The following CYTH3 variants were observed in gnomAD, a reference collection of about 807,000 sequenced individuals.
CYTH3 encodes cytohesin 3, also known as cytohesin-3.
Under a neutral mutation model 55.1 loss-of-function variants are expected in CYTH3, and 23 were observed. The ratio of observed to expected loss-of-function variants is 0.42; its 90% CI spans 0.30 to 0.59. The LOEUF (loss-of-function observed/expected upper bound fraction) is 0.59. CYTH3 is among the 20% of genes least tolerant of loss of function. The pLI is 0.20. For missense variants in CYTH3, 413 were observed against 524.8 expected, an observed-to-expected ratio of 0.79 and a Z score of 2.08; for synonymous variants, 249 against 194.9, an observed-to-expected ratio of 1.28 and a Z score of -2.31.
Position 6,170,975 on chromosome 7 carries a change from G to C in CYTH3, c.566C>G (p.Thr189Arg). ...GATGGCGAATGACAGCACGTAGCAC[G>C]TGTCTGCAACGAGTCCGGGGTGCTG... is the stretch of plus-strand genomic sequence containing the variant. ...CNPGVFQSTDTCYVLSFAIIM... is the reference protein window; with the variant it reads ...CNPGVFQSTDRCYVLSFAIIM... Residue 189 changes from threonine to arginine, a missense_variant, in exon 8 of 13, where the codon ACG becomes AGG. Thr to Arg is a moderately conservative substitution (Grantham distance 71). This residue lies in a region of CYTH3 where 156 missense variants were observed against 233.1 expected (regional missense o/e 0.67). Transcript: ENST00000350796. This position sits in a 1 kb window ranked among gnomAD's most constrained non-coding sequence, Gnocchi z 7.8. 1 of 1,613,804 alleles carries C rather than the reference G, an allele frequency of 6.2e-7. No homozygotes were observed. The highest frequency in any genetic ancestry group is 8.5e-7 in the Non-Finnish European group (1 of 1,179,918).
At chr7:6,242,080 C>G (rs1025886231) in intron 1 of CYTH3, among the ~76,000 whole-genome samples, 11 of 151,878 alleles carry the variant, frequency 7.2e-5, no homozygotes, top group South Asian at 4.2e-4. Flanking sequence ...GGGGTTTTTT[C>G]TTTGTTTGTT....
Position 6,171,215 on chromosome 7 carries a change from G to A in CYTH3, c.549C>T (p.Val183=). ...ASRYCLCNPG[V]FQSTDTCYVL... is the part of the protein sequence containing the mutation. ...CTCTGCACTGACCTGTGGACTGGAAGACCCCGGGGTTGCACAGGCAGTAGC... is the reference window on the plus strand; with the variant it reads ...CTCTGCACTGACCTGTGGACTGGAAAACCCCGGGGTTGCACAGGCAGTAGC... Residue 183 remains valine, a synonymous_variant, in exon 7 of 13, where the codon GTC becomes GTT. Coordinates refer to ENST00000350796, the MANE Select transcript of CYTH3 (RefSeq NM_004227.4). This position sits in a 1 kb window ranked among gnomAD's most constrained non-coding sequence, Gnocchi z 6.7. The A allele has an allele frequency of 6.2e-7, 1 of 1,614,164 alleles. No homozygotes were observed. The highest frequency in any genetic ancestry group is 8.5e-7 in the Non-Finnish European group (1 of 1,180,004).
At chr7:6,172,910 TTGAGG>T in intron 6 of CYTH3, 1 of 1,217,682 alleles carries the variant, frequency 8.2e-7, no homozygotes, top group Non-Finnish European at 1.1e-6. Flanking sequence ...CAGTCTGCAG[TTGAGG>T]TAAGGCCATG....
chr7:6,258,819 A>C (rs1230857088), intron 1 of CYTH3, among the ~76,000 whole-genome samples: 1 of 152,238 alleles, frequency 6.6e-6, no homozygotes, highest in Non-Finnish European at 1.5e-5. Context: ...AGCCACCCTA[A>C]TTCTTGAATC....
chr7:6,225,955 G>T (rs953598349), intron 1 of CYTH3, among the ~76,000 whole-genome samples: 2 of 152,026 alleles, frequency 1.3e-5, no homozygotes, highest in Non-Finnish European at 2.9e-5. Flanking sequence ...CAAAGTGCTG[G>T]GATTACAGGT....
rs1782933118 is a variant in CYTH3 at position 6,164,655 on chromosome 7, T to C, written c.*289A>G. On this transcript the variant is annotated 3_prime_UTR_variant, in exon 13 of 13. Transcript: ENST00000350796. ...GGGATGGTCGCAGGAAGGAAATGCT[T>C]CTGGACATGCGCAGCCGACCATGAC... 1.9e-5 allele frequency: 9 copies of C among 470,806 alleles called. No homozygotes were observed. In the East Asian group the frequency reaches 3.5e-4, roughly 19 times the overall value. The allele number at this position is 470,806 out of a possible 1,614,324, so 29.2% of individuals were successfully genotyped here. A position where few individuals can be genotyped will look rare whatever the true frequency, so the allele number is the denominator to read the frequency against.
chr7:6,174,783 G>A (rs569175368), intron 5 of CYTH3, among the ~76,000 whole-genome samples: 86 of 151,952 alleles, frequency 5.7e-4, no homozygotes, highest in African/African-American at 2.0e-3. Context: ...TCCTAACCTC[G>A]TGATCCACCC....
intron 4 of CYTH3, among the ~76,000 whole-genome samples, chr7:6,183,259 G>A (rs908260083): frequency 2.4e-4 from 37 of 152,330 alleles, no homozygotes; most frequent in African/African-American, 8.9e-4. Context: ...TGCTCTTGCC[G>A]CCCCCGGCAG....
chr7:6,197,449 G>A (rs1378341567), intron 1 of CYTH3, among the ~76,000 whole-genome samples: 1 of 152,220 alleles, frequency 6.6e-6, no homozygotes, highest in African/African-American at 2.4e-5. Context: ...TTGGAAGGCC[G>A]AAGTGGGCGG....
chr7:6,244,345 G>A (rs1226175258), intron 1 of CYTH3, among the ~76,000 whole-genome samples: 3 of 152,218 alleles, frequency 2.0e-5, no homozygotes, highest in Non-Finnish European at 2.9e-5. Context: ...GCTTTTGCAT[G>A]TGCATTAATT....
At position 6,164,735 on chromosome 7, in the gene CYTH3, G is replaced by A. The variant is rs1242027508; in HGVS notation, c.*209C>T. The A allele has an allele frequency of 1.5e-5, 10 of 654,076 alleles. No individual in the cohort carries two copies. Among genetic ancestry groups the A allele is most frequent in the Middle Eastern group, 4.3e-4 (1 of 2,310 alleles). 40.5% of individuals were successfully genotyped at this position (654,076 alleles called of 1,614,324 possible). A position where few individuals can be genotyped will look rare whatever the true frequency, so the allele number is the denominator to read the frequency against. ...AGTCTGGGCCACGGTACGCTCTGGA[G>A]CAGCAGCTTGCACTGCAGGGCGACC... On this transcript the variant is annotated 3_prime_UTR_variant, in exon 13 of 13. Coordinates refer to ENST00000350796, the MANE Select transcript of CYTH3 (RefSeq NM_004227.4).
At chr7:6,244,626 A>AC (rs928273006) in intron 1 of CYTH3, among the ~76,000 whole-genome samples, 3 of 149,952 alleles carry the variant, frequency 2.0e-5, no homozygotes, top group Non-Finnish European at 3.0e-5. Flanking sequence ...CATCACACCC[A>AC]GCTTTTAATT....
chr7:6,256,420 A>G (rs1459972408), intron 1 of CYTH3, among the ~76,000 whole-genome samples: 2 of 152,356 alleles, frequency 1.3e-5, no homozygotes, highest in East Asian at 3.9e-4. Flanking sequence ...TCCCCTTTAC[A>G]GGTATAACAG....
intron 1 of CYTH3, among the ~76,000 whole-genome samples, chr7:6,266,035 T>C (rs1780483297): frequency 6.6e-6 from 1 of 152,164 alleles, no homozygotes; most frequent in Non-Finnish European, 1.5e-5. Flanking sequence ...CTTTGTACTT[T>C]TCTGTATGTT....
Position 6,232,703 on chromosome 7 carries a change from G to A in CYTH3, c.34+39771C>T, listed in dbSNP as rs1482165546. Among the ~76,000 whole-genome samples, 9 of 151,852 alleles carry A rather than the reference G, an allele frequency of 5.9e-5. No individual in the cohort carries two copies. In the East Asian group the frequency reaches 1.5e-3, roughly 26 times the overall value. On this transcript the variant is annotated intron_variant, in intron 1 of 12. Transcript: ENST00000350796. ...AACCTCAGCCAGACTGTGTGGTCTC[G>A]GCTGCGGCTGTGGTTCTGACTGTCC...
chr7:6,197,190 G>C (rs1469759349), intron 1 of CYTH3, among the ~76,000 whole-genome samples: 1 of 151,978 alleles, frequency 6.6e-6, no homozygotes, highest in Non-Finnish European at 1.5e-5. Flanking sequence ...CCCCCTTAAG[G>C]CCCTAAGGAG....
At chr7:6,219,424 C>A (rs747327139) in intron 1 of CYTH3, among the ~76,000 whole-genome samples, 12 of 152,086 alleles carry the variant, frequency 7.9e-5, no homozygotes, top group Non-Finnish European at 1.2e-4. Flanking sequence ...GCATGGATTG[C>A]AAAAGACAAT....
chr7:6,213,332 C>T (rs1226175283), intron 1 of CYTH3, among the ~76,000 whole-genome samples: 1 of 152,206 alleles, frequency 6.6e-6, no homozygotes, highest in Non-Finnish European at 1.5e-5. Context: ...TATATCCCAG[C>T]ACTATCCGTT....
rs1193179428 is a variant in CYTH3 at position 6,171,670 on chromosome 7, G to A, written c.450-356C>T. The A allele has an allele frequency of 7.5e-6, 2 of 265,480 alleles. No individual in the cohort carries two copies. Among genetic ancestry groups the A allele is most frequent in the African/African-American group, 2.2e-5 (1 of 46,142 alleles). 16.4% of individuals were successfully genotyped at this position (265,480 alleles called of 1,614,324 possible). On this transcript the variant is annotated intron_variant, in intron 6 of 12. Transcript: ENST00000350796. This position sits in a 1 kb window ranked among gnomAD's most constrained non-coding sequence, Gnocchi z 6.7. ...ATCACCAGAGCCCTGCCTGTCCCGA[G>A]CTGCCACCAGCCGGTCCTCCTTTCA...
Sources: gnomAD v4.1 joint callset for allele counts (sites outside exome capture counted in the v4.1 genomes callset) on GRCh38, gnomAD v4.1.1 for gene constraint, gnomAD v4.1.1 regional missense constraint, Gnocchi (gnomAD v3.1) non-coding constraint, MANE v1.5 for transcripts, NCBI Gene and HGNC (gene_info 2026-07-23, HGNC 2026-07-21) for gene names.